LYRM4: variants seen among roughly 807,000 people sequenced by gnomAD.
LYRM4 encodes the protein LYR motif-containing protein 4.
In LYRM4, 9 loss-of-function variants were observed where a neutral mutation model predicts 11.7. That is an observed-to-expected ratio of 0.77 (90% CI 0.46 to 1.34). LYRM4 has a LOEUF of 1.34. Among genes scored for constraint, LYRM4 ranks in the 40% most tolerant of loss-of-function variants. LYRM4 has a pLI of 0.00. For synonymous variants in LYRM4, 42 were observed against 40.4 expected (o/e 1.04, Z -0.15); for missense variants, 133 against 112.5 (o/e 1.18, Z -0.82).
chr6:5,148,045 C>T (rs185996386), intron 2 of LYRM4, among the ~76,000 whole-genome samples: 32 of 152,282 alleles, frequency 2.1e-4, no homozygotes, highest in Non-Finnish European at 1.3e-4. Context: ...CCTGCCCTCC[C>T]CCACTCTCCC....
At chr6:5,153,111 T>C (rs1413455670) in intron 2 of LYRM4, among the ~76,000 whole-genome samples, 1 of 152,176 alleles carries the variant, frequency 6.6e-6, no homozygotes, top group Non-Finnish European at 1.5e-5. Context: ...TTATTTTTTT[T>C]GTGTGAGAGA....
At chr6:5,180,280 C>T (rs994274847) in intron 2 of LYRM4, among the ~76,000 whole-genome samples, 3 of 152,158 alleles carry the variant, frequency 2.0e-5, no homozygotes, top group Non-Finnish European at 4.4e-5. Context: ...AGGTGTACAC[C>T]GTGGCAGGAT....
At chr6:5,049,420 TC>T in the LYRM4 span, among the ~76,000 whole-genome samples, 1 of 152,152 alleles carries the variant, frequency 6.6e-6, no homozygotes, top group African/African-American at 2.4e-5. Flanking sequence ...CCTTGAGTCT[TC>T]CCTGCATCCT....
chr6:5,058,768 T>A, the LYRM4 span, among the ~76,000 whole-genome samples: 250 of 152,242 alleles, frequency 1.6e-3, 1 homozygote, highest in African/African-American at 5.7e-3. Context: ...CCCACTATTT[T>A]TATATATATA....
chr6:5,149,100 G>A (rs144820930), intron 2 of LYRM4, among the ~76,000 whole-genome samples: 16 of 152,184 alleles, frequency 1.1e-4, no homozygotes, highest in South Asian at 6.2e-4. Context: ...AGCCAATTTC[G>A]CTTTCTGTTG....
At chr6:5,118,101 T>TTG (rs1561807697) in intron 2 of LYRM4, among the ~76,000 whole-genome samples, 5 of 54,790 alleles carry the variant, frequency 9.1e-5, no homozygotes, top group Non-Finnish European at 1.9e-4. Flanking sequence ...TATATTTTTG[T>TTG]TTTGTTTTGT....
chr6:5,165,509 T>G (rs1759026114), intron 2 of LYRM4, among the ~76,000 whole-genome samples: 1 of 151,934 alleles, frequency 6.6e-6, no homozygotes, highest in African/African-American at 2.4e-5. Flanking sequence ...CCCAAGAAAC[T>G]TGTAACAAAT....
At chr6:5,182,023 C>T (rs1318488674) in intron 2 of LYRM4, among the ~76,000 whole-genome samples, 1 of 152,142 alleles carries the variant, frequency 6.6e-6, no homozygotes, top group Non-Finnish European at 1.5e-5. Flanking sequence ...AAAATACCTC[C>T]CCCCCAATCC....
At chr6:5,180,894 C>T (rs1760032958) in intron 2 of LYRM4, among the ~76,000 whole-genome samples, 1 of 152,212 alleles carries the variant, frequency 6.6e-6, no homozygotes, top group Non-Finnish European at 1.5e-5. Flanking sequence ...GTTATCACTG[C>T]TGTACAGCTA....
At chr6:5,168,532 C>G (rs543113320) in intron 2 of LYRM4, among the ~76,000 whole-genome samples, 2 of 152,038 alleles carry the variant, frequency 1.3e-5, no homozygotes, top group Non-Finnish European at 2.9e-5. Flanking sequence ...TCTCCAAAAC[C>G]AAAACATCAC....
At chr6:5,047,869 G>A in the LYRM4 span, among the ~76,000 whole-genome samples, 1 of 152,168 alleles carries the variant, frequency 6.6e-6, no homozygotes, top group South Asian at 2.1e-4. Flanking sequence ...TGGGTAGACA[G>A]GAGTCCTGCT....
chr6:5,229,216 A>G (rs1223190077), intron 1 of LYRM4, among the ~76,000 whole-genome samples: 2 of 152,024 alleles, frequency 1.3e-5, no homozygotes, highest in Admixed American at 6.6e-5. Flanking sequence ...TTAAGAAAAA[A>G]AGTGAAGAGG....
At chr6:5,239,351 G>A (rs545853886) in intron 1 of LYRM4, among the ~76,000 whole-genome samples, 2 of 152,264 alleles carry the variant, frequency 1.3e-5, no homozygotes, top group Non-Finnish European at 2.9e-5. Flanking sequence ...GTTGGGGATG[G>A]GTTAGGGATG....
the LYRM4 span, among the ~76,000 whole-genome samples, chr6:5,091,204 T>A: frequency 6.6e-6 from 1 of 152,180 alleles, no homozygotes. Flanking sequence ...CTGAAGTCAC[T>A]AAGGCAAGGG....
chr6:5,085,014 G>C, the LYRM4 span: 188 of 163,240 alleles, frequency 1.2e-3, no homozygotes, highest in African/African-American at 4.4e-3. Context: ...GCACGTGGGG[G>C]TCTCTGAAGG....
At chr6:5,219,689 T>C (rs1249915909) in intron 1 of LYRM4, among the ~76,000 whole-genome samples, 2 of 152,062 alleles carry the variant, frequency 1.3e-5, no homozygotes, top group African/African-American at 2.4e-5. Context: ...GGCCCTGCCC[T>C]GGTTTTTATC....
At position 5,252,916 on chromosome 6, in the gene LYRM4, GAGA is replaced by G. The variant is rs369336112; in HGVS notation, c.86+7729_86+7731del. 1.3e-4 allele frequency among the ~76,000 whole-genome samples: 20 copies of G among 152,088 alleles called. No homozygotes were observed. In the East Asian group the frequency reaches 3.9e-3, roughly 30 times the overall value. On this transcript the variant is annotated intron_variant, in intron 1 of 2. Coordinates refer to ENST00000330636, the MANE Select transcript of LYRM4 (RefSeq NM_020408.6). ...ACATACCTCTAGACCTTTCCTATGT[GAGA>G]AGAATAAGCCCCCAATTAAGCCCTG...
the LYRM4 span, among the ~76,000 whole-genome samples, chr6:5,063,612 C>T: frequency 1.8e-4 from 27 of 152,242 alleles, no homozygotes; most frequent in Admixed American, 6.5e-5. Context: ...GTCTCCCCAG[C>T]ACTGAGCTTG....
chr6:5,189,661 G>A (rs941141361), intron 2 of LYRM4, among the ~76,000 whole-genome samples: 4 of 152,142 alleles, frequency 2.6e-5, no homozygotes, highest in Admixed American at 6.6e-5. Context: ...CCATTTTGTC[G>A]ATGAGCATGA....
Sources: allele counts gnomAD v4.1 joint callset (sites outside exome capture counted in the v4.1 genomes callset), GRCh38; gene constraint gnomAD v4.1.1; transcripts MANE v1.5; gene names NCBI Gene and HGNC (gene_info 2026-07-23, HGNC 2026-07-21).